The following TM4SF4 variants were observed in gnomAD, a reference collection of about 807,000 sequenced individuals.
TM4SF4 encodes transmembrane 4 L6 family member 4.
Under a neutral mutation model 24.1 loss-of-function variants are expected in TM4SF4, and 24 were observed. The observed-to-expected ratio is 1.00, with a 90% CI of 0.72 to 1.40. TM4SF4 has a LOEUF of 1.40. Ranked by LOEUF, TM4SF4 falls within the 40% of genes most tolerant of loss-of-function variation. The pLI is 0.00. For missense variants in TM4SF4, 254 were observed against 254.2 expected, an observed-to-expected ratio of 1.00 and a Z score of 0.01; for synonymous variants, 113 against 97.0, an observed-to-expected ratio of 1.17 and a Z score of -0.97.
intron 3 of TM4SF4, 46 bp from the exon 4 acceptor site, chr3:149,498,676 G>C: frequency 6.4e-7 from 1 of 1,571,424 alleles, no homozygotes; most frequent in Non-Finnish European, 8.7e-7. Context: ...GGAGGGAATT[G>C]CACACTTTTT....
intron 2 of TM4SF4, among the ~76,000 whole-genome samples, chr3:149,484,079 C>T (rs1383895566): frequency 1.3e-5 from 2 of 152,076 alleles, no homozygotes; most frequent in East Asian, 3.9e-4. Flanking sequence ...CTGTGCCGGG[C>T]CCGTTTATTT....
intron 3 of TM4SF4, among the ~76,000 whole-genome samples, chr3:149,496,234 G>A (rs2107875406): frequency 6.6e-6 from 1 of 152,008 alleles, no homozygotes; most frequent in East Asian, 1.9e-4. Context: ...TTTCGAGATG[G>A]GGTCTCACTC....
chr3:149,495,569 T>C, intron 3 of TM4SF4: 2 of 359,706 alleles, frequency 5.6e-6, no homozygotes, highest in South Asian at 2.8e-5. Flanking sequence ...AGAACGCATC[T>C]GTCAAAGATT....
intron 2 of TM4SF4, among the ~76,000 whole-genome samples, chr3:149,478,930 AT>A (rs745881135): frequency 9.9e-5 from 15 of 151,576 alleles, no homozygotes; most frequent in Admixed American, 9.2e-4. Flanking sequence ...TGCTCGGCTA[AT>A]TTTTTTTGTA....
chr3:149,475,147 T>C (rs1363157283), intron 1 of TM4SF4, 96 bp downstream of exon 1: 4 of 1,341,036 alleles, frequency 3.0e-6, no homozygotes, highest in South Asian at 1.4e-5. Flanking sequence ...GATATTTAGT[T>C]GGTAATAGAA....
intron 3 of TM4SF4, among the ~76,000 whole-genome samples, chr3:149,490,471 G>C (rs1034134498): frequency 2.6e-5 from 4 of 152,218 alleles, no homozygotes; most frequent in African/African-American, 9.6e-5. Flanking sequence ...TTCAGAGGCA[G>C]GACAGCCAAG....
chr3:149,489,947 C>T (rs558590216), intron 3 of TM4SF4, among the ~76,000 whole-genome samples: 12 of 151,648 alleles, frequency 7.9e-5, no homozygotes, highest in African/African-American at 1.2e-4. Context: ...ATTTGAACAC[C>T]GAGACATCTG....
At chr3:149,482,814 G>T (rs747598251) in intron 2 of TM4SF4, among the ~76,000 whole-genome samples, 1 of 152,174 alleles carries the variant, frequency 6.6e-6, no homozygotes, top group Admixed American at 6.5e-5. Context: ...AAAGTGCTGG[G>T]ATTACAGGCA....
chr3:149,483,607 G>A (rs1293129285), intron 2 of TM4SF4, among the ~76,000 whole-genome samples: 4 of 150,816 alleles, frequency 2.7e-5, no homozygotes, highest in East Asian at 1.9e-4. Flanking sequence ...GCAGGTATAA[G>A]GCAAATCTGA....
At chr3:149,496,313 G>T (rs779781697) in intron 3 of TM4SF4, among the ~76,000 whole-genome samples, 2 of 152,012 alleles carry the variant, frequency 1.3e-5, no homozygotes, top group African/African-American at 2.4e-5. Flanking sequence ...GGGCTCAAGC[G>T]ATTCTCCCAC....
At chr3:149,494,058 C>A (rs867638984) in intron 3 of TM4SF4, among the ~76,000 whole-genome samples, 2 of 152,298 alleles carry the variant, frequency 1.3e-5, no homozygotes, top group Middle Eastern at 3.4e-3. Flanking sequence ...CAGTTAAGTG[C>A]ATCTAAACTG....
chr3:149,489,292 T>C (rs1048053589), intron 3 of TM4SF4, among the ~76,000 whole-genome samples: 4 of 152,200 alleles, frequency 2.6e-5, no homozygotes, highest in Non-Finnish European at 5.9e-5. Flanking sequence ...GGTGTGTGTG[T>C]GAAGCTACAG....
rs1015918128 is a variant in TM4SF4, at chr3:149,479,811, G to A, written c.264+3899G>A. Among the ~76,000 whole-genome samples the A allele has an allele frequency of 3.9e-5, 6 of 152,056 alleles. 1 individual carries two copies. In the South Asian group the frequency reaches 6.2e-4, roughly 16 times the overall value. ...TCTGCTTTCTGTCATTTATTTTCCC[G>A]GTTCCTCTCTCTCTTCTCTCATCTG... On this transcript the variant is annotated intron_variant, in intron 2 of 4. Coordinates refer to ENST00000305354, the MANE Select transcript of TM4SF4 (RefSeq NM_004617.4).
intron 2 of TM4SF4, among the ~76,000 whole-genome samples, chr3:149,480,219 C>T (rs757566918): frequency 2.0e-5 from 3 of 152,162 alleles, no homozygotes; most frequent in Non-Finnish European, 4.4e-5. Flanking sequence ...GGCAGCATGT[C>T]GGTGGCTGGT....
At chr3:149,499,692 A>T (rs66965544) in intron 4 of TM4SF4, among the ~76,000 whole-genome samples, 13,004 of 152,154 alleles carry the variant, frequency 0.085, 1,094 homozygotes, top group East Asian at 0.43. Context: ...AAACTTTAAA[A>T]GACTCAAATT....
rs1451906458 is a variant in TM4SF4, at chr3:149,503,252, T to G, written c.*559T>G. 2 of 152,394 alleles carry G rather than the reference T, an allele frequency of 1.3e-5. No individual in the cohort carries two copies. The highest frequency in any genetic ancestry group is 2.9e-5 in the Non-Finnish European group (2 of 68,086). The allele number at this position is 152,394 out of a possible 1,614,324, so 9.4% of individuals were successfully genotyped here. A position where few individuals can be genotyped will look rare whatever the true frequency, so the allele number is the denominator to read the frequency against. ...ATGGCTAGGGTTCTTTTATGTATGT[T>G]AAATTAAAACCTGAATTCAGAGGTA... On this transcript the variant is annotated 3_prime_UTR_variant, in exon 5 of 5. Transcript: ENST00000305354.
chr3:149,484,550 ATTTTTTT>A (rs890892392), intron 2 of TM4SF4, among the ~76,000 whole-genome samples: 4 of 122,226 alleles, frequency 3.3e-5, no homozygotes, highest in South Asian at 2.6e-4. Context: ...CACCCCGCTA[ATTTTTTT>A]TTTTTTTTTT....
At chr3:149,500,029 C>T (rs9847773) in intron 4 of TM4SF4, among the ~76,000 whole-genome samples, 45,813 of 152,090 alleles carry the variant, frequency 0.3, 8,510 homozygotes, top group Non-Finnish European at 0.42. Context: ...CCAGCCAGTT[C>T]CCTCCAATCT....
chr3:149,483,634 T>TA, intron 2 of TM4SF4, among the ~76,000 whole-genome samples: 1 of 152,082 alleles, frequency 6.6e-6, no homozygotes. Flanking sequence ...AAGCATGTCT[T>TA]ATTTTCCCAT....
Sources: allele counts gnomAD v4.1 joint callset (sites outside exome capture counted in the v4.1 genomes callset), GRCh38; gene constraint gnomAD v4.1.1; transcripts MANE v1.5; gene names NCBI Gene and HGNC (gene_info 2026-07-23, HGNC 2026-07-21).